The following FBLN1 variants were observed in gnomAD, a reference collection of about 807,000 sequenced individuals.
The protein encoded by FBLN1 is fibulin 1, also known as fibulin-1.
Under a neutral mutation model 89.7 loss-of-function variants are expected in FBLN1, and 34 were observed. That is an observed-to-expected ratio of 0.38 (90% CI 0.29 to 0.50). The LOEUF (loss-of-function observed/expected upper bound fraction) is 0.50. Among genes scored for constraint, FBLN1 ranks in the 20% least tolerant of loss-of-function variants. The pLI is 0.92. For synonymous variants in FBLN1, 393 were observed against 391.3 expected, an observed-to-expected ratio of 1.00 and a Z score of -0.05; for missense variants, 777 against 988.1, an observed-to-expected ratio of 0.79 and a Z score of 2.86.
At chr22:45,524,304 G>T (rs1210501315) in intron 2 of FBLN1, among the ~76,000 whole-genome samples, 1 of 152,184 alleles carries the variant, frequency 6.6e-6, no homozygotes, top group Non-Finnish European at 1.5e-5. Context: ...CTGGAGCTGG[G>T]GTTATTTTGG....
chr22:45,529,304 C>T (rs964136243), intron 4 of FBLN1, among the ~76,000 whole-genome samples: 1 of 152,246 alleles, frequency 6.6e-6, no homozygotes, highest in African/African-American at 2.4e-5. Flanking sequence ...AGCAAAGGGG[C>T]ATGTGACCCC....
intron 16 of FBLN1, among the ~76,000 whole-genome samples, chr22:45,594,128 A>T (rs569601032): frequency 2.5e-3 from 352 of 143,660 alleles, no homozygotes; most frequent in Non-Finnish European, 3.9e-3. Context: ...GATGGATGGA[A>T]CCAGGCCCCT....
chr22:45,548,322 T>C (rs1803019141), intron 12 of FBLN1, among the ~76,000 whole-genome samples: 1 of 152,244 alleles, frequency 6.6e-6, no homozygotes, highest in South Asian at 2.1e-4. Context: ...TGCCTGGGAT[T>C]CCAGGCATGA....
In FBLN1 at chr22:45,574,989, C is replaced by T. The variant is rs533161912; in HGVS notation, c.1840+336C>T. Among the ~76,000 whole-genome samples the T allele has an allele frequency of 3.4e-4, 51 of 151,886 alleles. No homozygotes were observed. The highest frequency in any genetic ancestry group is 1.2e-3 in the African/African-American group (48 of 41,450). On this transcript the variant is annotated intron_variant, in intron 15 of 16. Transcript: ENST00000327858. The surrounding 1 kb of genome is among the most constrained non-coding windows in gnomAD (Gnocchi z 4.1). ...AGTAAAGACGGGGTTTCACCGTGTT[C>T]GCCAGGATGGTCTCAATCTCCTGAC...
chr22:45,522,058 T>C (rs182061286), intron 2 of FBLN1, among the ~76,000 whole-genome samples: 3 of 152,212 alleles, frequency 2.0e-5, no homozygotes, highest in African/African-American at 7.2e-5. Flanking sequence ...CAATCTCAGC[T>C]TGCTGCAACC....
rs1008722550 is a variant in FBLN1 at position 45,537,475 on chromosome 22, C to T, written c.922+2138C>T. On this transcript the variant is annotated intron_variant, in intron 8 of 16. Transcript: ENST00000327858. This position sits in a 1 kb window ranked among gnomAD's most constrained non-coding sequence, Gnocchi z 5.7. ...CTCTACTAAAAATACAAAAATTAGC[C>T]GGGTGTGGTGGTGGGCACCTTGTAA... 6.6e-6 allele frequency among the ~76,000 whole-genome samples: 1 copy of T among 152,006 alleles called. No individual in the cohort carries two copies. The highest frequency in any genetic ancestry group is 1.5e-5 in the Non-Finnish European group (1 of 68,004).
In FBLN1 at chr22:45,545,793, C is replaced by G. The variant is rs763840777; in HGVS notation, c.1322-1292C>G. ...GATTTAAGGCTTTTCCAGCCACAAT[C>G]TCTGTTGCAACCGCTGAACTCTGCT... On this transcript the variant is annotated intron_variant, in intron 11 of 16. Coordinates refer to ENST00000327858, the MANE Select transcript of FBLN1 (RefSeq NM_006486.3). This position sits in a 1 kb window ranked among gnomAD's most constrained non-coding sequence, Gnocchi z 5.9. Among the ~76,000 whole-genome samples, 1 of 152,164 alleles carries G rather than the reference C, an allele frequency of 6.6e-6. No homozygotes were observed. The highest frequency in any genetic ancestry group is 1.5e-5 in the Non-Finnish European group (1 of 68,030).
chr22:45,523,177 C>T, intron 2 of FBLN1: 1 of 778,606 alleles, frequency 1.3e-6, no homozygotes, highest in South Asian at 1.3e-5. Context: ...GCCGAGGGAA[C>T]AGCCAGCGCA....
Position 45,574,805 on chromosome 22 carries a change from G to A in FBLN1, c.1840+152G>A, listed in dbSNP as rs1181470356. 3.5e-5 allele frequency: 24 copies of A among 680,298 alleles called. No individual in the cohort carries two copies. The highest frequency in any genetic ancestry group is 1.9e-4 in the Admixed American group (6 of 31,646). The allele number at this position is 680,298 out of a possible 1,614,324, so 42.1% of individuals were successfully genotyped here. A position where few individuals can be genotyped will look rare whatever the true frequency, so the allele number is the denominator to read the frequency against. On this transcript the variant is annotated intron_variant, in intron 15 of 16. Transcript: ENST00000327858. This position sits in a 1 kb window ranked among gnomAD's most constrained non-coding sequence, Gnocchi z 4.1. ...TTTTTTTTTTTTTTTTTTTTGAGAC[G>A]GAGTCTCGCTCTGTCGCCCGGGCTG...
intron 14 of FBLN1, among the ~76,000 whole-genome samples, chr22:45,555,715 C>A (rs2088779917): frequency 6.6e-6 from 1 of 152,152 alleles, no homozygotes; most frequent in Admixed American, 6.6e-5. Context: ...CATCACAAGT[C>A]CACCCCTTGT....
chr22:45,520,084 C>G (rs989128455), intron 2 of FBLN1, among the ~76,000 whole-genome samples: 1 of 152,048 alleles, frequency 6.6e-6, no homozygotes, highest in African/African-American at 2.4e-5. Context: ...ACAAGAGAAT[C>G]GCTTGAACCC....
At chr22:45,529,722 T>C (rs1299549056) in intron 4 of FBLN1, among the ~76,000 whole-genome samples, 1 of 151,992 alleles carries the variant, frequency 6.6e-6, no homozygotes, top group Admixed American at 6.6e-5. Flanking sequence ...AAAAATTAGC[T>C]GGGCGTGGTG....
In FBLN1 at chr22:45,556,953, T is replaced by C. The variant is rs2088796241; in HGVS notation, c.1697+6338T>C. 6.6e-6 allele frequency among the ~76,000 whole-genome samples: 1 copy of C among 152,116 alleles called. No homozygotes were observed. Among genetic ancestry groups the C allele is most frequent in the African/African-American group, 2.4e-5 (1 of 41,404 alleles). On this transcript the variant is annotated intron_variant, in intron 14 of 16. Coordinates refer to ENST00000327858, the MANE Select transcript of FBLN1 (RefSeq NM_006486.3). This position sits in a 1 kb window ranked among gnomAD's most constrained non-coding sequence, Gnocchi z 4.6. ...TGCCTGGACCCGTGAATCCTGGCTA[T>C]GGGAGAAACAGTGCCATAATATTGG...
chr22:45,505,432 G>T (rs2088006028), intron 1 of FBLN1, among the ~76,000 whole-genome samples: 1 of 152,212 alleles, frequency 6.6e-6, no homozygotes, highest in Non-Finnish European at 1.5e-5. Flanking sequence ...CTGTGCCATG[G>T]GGGTCAGGGC....
In FBLN1 at chr22:45,580,913, C is replaced by T. The variant is rs752174404; in HGVS notation, c.1972+3805C>T. ...GAGCCCGCAGCAGGGCCCGCGCCGT[C>T]GTCTTTGTAAAGCCCCCTTGCATTC... On this transcript the variant is annotated intron_variant, in intron 16 of 16. Transcript: ENST00000327858. This position sits in a 1 kb window ranked among gnomAD's most constrained non-coding sequence, Gnocchi z 8.6. 5.9e-5 allele frequency among the ~76,000 whole-genome samples: 9 copies of T among 152,248 alleles called. No homozygotes were observed. Among genetic ancestry groups the T allele is most frequent in the Non-Finnish European group, 1.0e-4 (7 of 68,048 alleles).
At chr22:45,504,033 G>A (rs2146931462) in intron 1 of FBLN1, among the ~76,000 whole-genome samples, 1 of 152,302 alleles carries the variant, frequency 6.6e-6, no homozygotes, top group South Asian at 2.1e-4. Context: ...CGGCACTCCT[G>A]GCGTCTTTGT....
rs572069518 is a variant in FBLN1 at position 45,507,086 on chromosome 22, C to G, written c.79+4022C>G. Among the ~76,000 whole-genome samples, 289 of 152,152 alleles carry G rather than the reference C, an allele frequency of 1.9e-3. 5 individuals are homozygous for G. Among genetic ancestry groups the G allele is most frequent in the Non-Finnish European group, 6.5e-4 (44 of 67,996 alleles). Reference sequence around the variant, plus strand: ...TGTCAACTTCCCTGGGATAGGAGACCCCCTCAGGCTGGAGGGGAGCTCAGG... The same window carrying G: ...TGTCAACTTCCCTGGGATAGGAGACGCCCTCAGGCTGGAGGGGAGCTCAGG... On this transcript the variant is annotated intron_variant, in intron 1 of 16. Coordinates refer to ENST00000327858, the MANE Select transcript of FBLN1 (RefSeq NM_006486.3).
At chr22:45,524,033 C>A (rs1477655346) in intron 2 of FBLN1, among the ~76,000 whole-genome samples, 2 of 152,214 alleles carry the variant, frequency 1.3e-5, no homozygotes, top group Non-Finnish European at 2.9e-5. Context: ...CCGTTATTTG[C>A]AAATCCACCG....
chr22:45,528,087 G>C, intron 4 of FBLN1, 78 bp downstream of exon 4: 4 of 1,536,054 alleles, frequency 2.6e-6, no homozygotes, highest in Non-Finnish European at 3.6e-6. Flanking sequence ...AGAGTGGAGA[G>C]AGAGAGATTT....
Sources: gnomAD v4.1 joint callset for allele counts (sites outside exome capture counted in the v4.1 genomes callset) on GRCh38, gnomAD v4.1.1 for gene constraint, Gnocchi (gnomAD v3.1) non-coding constraint, MANE v1.5 for transcripts, NCBI Gene and HGNC (gene_info 2026-07-23, HGNC 2026-07-21) for gene names.